The following NCAM2 variants were observed in gnomAD, a reference collection of about 807,000 sequenced individuals.
The protein encoded by NCAM2 is N-CAM-2.
Under a neutral mutation model 98.1 loss-of-function variants are expected in NCAM2, and 30 were observed. The observed-to-expected ratio is 0.31, with a 90% CI of 0.23 to 0.41. NCAM2 has a LOEUF of 0.41. NCAM2 is among the 10% of genes least tolerant of loss of function. The pLI is 1.00. For missense variants in NCAM2, 867 were observed against 1,005.8 expected (o/e 0.86, Z 1.87); for synonymous variants, 368 against 342.4 (o/e 1.07, Z -0.83).
intron 16 of NCAM2, among the ~76,000 whole-genome samples, chr21:21,509,346 G>C (rs1382456520): frequency 6.6e-6 from 1 of 152,088 alleles, no homozygotes; most frequent in East Asian, 1.9e-4. Flanking sequence ...TGGATGGATA[G>C]TTGTGCAAAT....
At chr21:21,337,624 A>G (rs940556453) in intron 7 of NCAM2, among the ~76,000 whole-genome samples, 1 of 152,034 alleles carries the variant, frequency 6.6e-6, no homozygotes, top group Non-Finnish European at 1.5e-5. Flanking sequence ...GGAAATACAA[A>G]TAACACAGAT....
At chr21:21,466,224 A>G (rs1983660294) in intron 12 of NCAM2, among the ~76,000 whole-genome samples, 1 of 152,060 alleles carries the variant, frequency 6.6e-6, no homozygotes, top group African/African-American at 2.4e-5. Context: ...ATTAAATACT[A>G]TAGAAATAAT....
At chr21:21,160,597 A>C (rs1324381247) in intron 1 of NCAM2, among the ~76,000 whole-genome samples, 1 of 152,032 alleles carries the variant, frequency 6.6e-6, no homozygotes, top group African/African-American at 2.4e-5. Context: ...GTCTCATATC[A>C]GTAAAATTGG....
chr21:21,095,698 A>G (rs2066107716), intron 1 of NCAM2, among the ~76,000 whole-genome samples: 1 of 151,682 alleles, frequency 6.6e-6, no homozygotes, highest in Non-Finnish European at 1.5e-5. Context: ...GGACCTGTGA[A>G]TATAATAAAA....
chr21:21,252,092 G>A (rs925027125), intron 1 of NCAM2, among the ~76,000 whole-genome samples: 1 of 151,166 alleles, frequency 6.6e-6, no homozygotes, highest in Non-Finnish European at 1.5e-5. Flanking sequence ...AACAAGCATG[G>A]AAAAAAAAGC....
chr21:21,020,720 C>G (rs749895212), intron 1 of NCAM2, among the ~76,000 whole-genome samples: 3 of 152,170 alleles, frequency 2.0e-5, no homozygotes, highest in Non-Finnish European at 4.4e-5. Flanking sequence ...ATACCCCCAG[C>G]TAGTTCGGTA....
intron 1 of NCAM2, among the ~76,000 whole-genome samples, chr21:21,099,587 C>T (rs889205689): frequency 2.6e-5 from 4 of 151,810 alleles, no homozygotes; most frequent in Admixed American, 2.0e-4. Flanking sequence ...GTAACAGACC[C>T]CATAATTCAA....
chr21:21,030,434 T>C (rs2064655050), intron 1 of NCAM2, among the ~76,000 whole-genome samples: 1 of 152,182 alleles, frequency 6.6e-6, no homozygotes, highest in African/African-American at 2.4e-5. Context: ...GTTTCCCTCC[T>C]CTTCTGTCAT....
At chr21:21,352,008 C>T (rs2075354936) in intron 8 of NCAM2, among the ~76,000 whole-genome samples, 1 of 152,148 alleles carries the variant, frequency 6.6e-6, no homozygotes, top group African/African-American at 2.4e-5. Flanking sequence ...CCTCAGCCTC[C>T]TCAAATGCTG....
intron 9 of NCAM2, among the ~76,000 whole-genome samples, chr21:21,394,387 T>C (rs1198634067): frequency 6.7e-6 from 1 of 149,480 alleles, no homozygotes; most frequent in Non-Finnish European, 1.5e-5. Context: ...TGAGAAAATT[T>C]AAATGACTGA....
At chr21:21,236,557 C>A (rs991242829) in intron 1 of NCAM2, among the ~76,000 whole-genome samples, 1 of 151,954 alleles carries the variant, frequency 6.6e-6, no homozygotes, top group African/African-American at 2.4e-5. Flanking sequence ...AGAGTAGCTT[C>A]TTTTAAAATA....
At chr21:21,079,220 C>T (rs140169243) in intron 1 of NCAM2, among the ~76,000 whole-genome samples, 6 of 148,286 alleles carry the variant, frequency 4.0e-5, no homozygotes, top group East Asian at 3.9e-4. Flanking sequence ...ACAAACAAAA[C>T]GTTTCTTTTG....
At chr21:21,405,285 C>G (rs1460381412) in intron 9 of NCAM2, among the ~76,000 whole-genome samples, 1 of 151,900 alleles carries the variant, frequency 6.6e-6, no homozygotes, top group Admixed American at 6.6e-5. Context: ...CACAATATGC[C>G]TACTGCCAAA....
At chr21:21,200,001 T>G (rs1008789227) in intron 1 of NCAM2, among the ~76,000 whole-genome samples, 6 of 152,042 alleles carry the variant, frequency 3.9e-5, no homozygotes, top group African/African-American at 1.4e-4. Context: ...GCAAGATAAT[T>G]TTTGCCACTC....
At chr21:21,348,561 A>C (rs2075250116) in intron 8 of NCAM2, among the ~76,000 whole-genome samples, 1 of 152,018 alleles carries the variant, frequency 6.6e-6, no homozygotes, top group Non-Finnish European at 1.5e-5. Flanking sequence ...CCCTATCAAA[A>C]TTTAATGACA....
chr21:21,375,052 T>C (rs1463069948), intron 9 of NCAM2, among the ~76,000 whole-genome samples: 2 of 151,386 alleles, frequency 1.3e-5, no homozygotes, highest in Non-Finnish European at 3.0e-5. Flanking sequence ...TTAGGAGATA[T>C]ACCTAATGCT....
intron 1 of NCAM2, among the ~76,000 whole-genome samples, chr21:21,124,158 T>C (rs2066738816): frequency 6.6e-6 from 1 of 152,086 alleles, no homozygotes; most frequent in African/African-American, 2.4e-5. Context: ...GATTGCTTTC[T>C]AATAACATTC....
intron 1 of NCAM2, among the ~76,000 whole-genome samples, chr21:21,264,487 A>T (rs1234703122): frequency 6.6e-6 from 1 of 152,012 alleles, no homozygotes; most frequent in Admixed American, 6.6e-5. Flanking sequence ...TAGCAATTCC[A>T]TTATTCAGTA....
intron 9 of NCAM2, among the ~76,000 whole-genome samples, chr21:21,380,798 T>C (rs948096646): frequency 6.6e-6 from 1 of 152,222 alleles, no homozygotes; most frequent in African/African-American, 2.4e-5. Flanking sequence ...CAGCTGGTAA[T>C]GTGTTTGCAG....
Sources: gnomAD v4.1 joint callset for allele counts (sites outside exome capture counted in the v4.1 genomes callset) on GRCh38, gnomAD v4.1.1 for gene constraint, MANE v1.5 for transcripts, NCBI Gene and HGNC (gene_info 2026-07-23, HGNC 2026-07-21) for gene names.